Variants in GLCCI1 observed in about 807,000 individuals in gnomAD.
GLCCI1 encodes glucocorticoid-induced transcript 1 protein.
A neutral mutation model predicts 52.2 loss-of-function variants in GLCCI1; 24 were observed. That is an observed-to-expected ratio of 0.46 (90% CI 0.33 to 0.65). The LOEUF (loss-of-function observed/expected upper bound fraction) is 0.65, where lower values mean the gene tolerates loss of function less well. Ranked by LOEUF, GLCCI1 falls within the 30% of genes least tolerant of loss-of-function variation. GLCCI1 has a pLI of 0.02. For missense variants in GLCCI1, 704 were observed against 701.5 expected, an observed-to-expected ratio of 1.00 and a Z score of -0.04; for synonymous variants, 310 against 276.5, an observed-to-expected ratio of 1.12 and a Z score of -1.20.
At chr7:8,010,050 G>C (rs1490749469) in intron 2 of GLCCI1, among the ~76,000 whole-genome samples, 1 of 150,312 alleles carries the variant, frequency 6.7e-6, no homozygotes, top group Non-Finnish European at 1.5e-5. Context: ...ACCTTTATTT[G>C]AGTTTTATAG....
At chr7:8,037,363 C>G (rs1032535017) in intron 3 of GLCCI1, among the ~76,000 whole-genome samples, 2 of 152,182 alleles carry the variant, frequency 1.3e-5, no homozygotes, top group African/African-American at 4.8e-5. Flanking sequence ...TTCATCACCA[C>G]TAGACTGGTC....
At chr7:8,027,664 C>T (rs1300789828) in intron 3 of GLCCI1, among the ~76,000 whole-genome samples, 1 of 150,654 alleles carries the variant, frequency 6.6e-6, no homozygotes, top group African/African-American at 2.4e-5. Flanking sequence ...AAACAAAAGA[C>T]AACGAGTGGC....
At chr7:8,040,251 T>C (rs1011709286) in intron 3 of GLCCI1, among the ~76,000 whole-genome samples, 2 of 152,042 alleles carry the variant, frequency 1.3e-5, no homozygotes, top group African/African-American at 4.8e-5. Flanking sequence ...TTAGGGAGGC[T>C]GAGATGGAAG....
intron 6 of GLCCI1, among the ~76,000 whole-genome samples, chr7:8,081,890 C>T (rs905678055): frequency 3.3e-5 from 5 of 152,038 alleles, no homozygotes; most frequent in South Asian, 2.1e-4. Flanking sequence ...CTTGTGAATA[C>T]AGAAAGATGT....
chr7:8,079,657 A>G (rs1453922531), intron 6 of GLCCI1, among the ~76,000 whole-genome samples: 1 of 151,566 alleles, frequency 6.6e-6, no homozygotes, highest in Non-Finnish European at 1.5e-5. Context: ...TTTTGACTAC[A>G]CAAAAACAAA....
intron 3 of GLCCI1, among the ~76,000 whole-genome samples, chr7:8,036,023 A>T (rs1196435123): frequency 6.6e-6 from 1 of 152,250 alleles, no homozygotes; most frequent in Non-Finnish European, 1.5e-5. Flanking sequence ...ATTTGAAGCA[A>T]CAGAGAGATC....
At chr7:8,040,792 G>A (rs1321361510) in intron 3 of GLCCI1, among the ~76,000 whole-genome samples, 1 of 152,180 alleles carries the variant, frequency 6.6e-6, no homozygotes, top group East Asian at 1.9e-4. Context: ...ATACACAAAT[G>A]TTTATCGCAG....
chr7:8,082,302 G>T (rs1460515334), intron 6 of GLCCI1, among the ~76,000 whole-genome samples: 2 of 152,108 alleles, frequency 1.3e-5, no homozygotes, highest in Non-Finnish European at 2.9e-5. Context: ...TGTCTTCTTT[G>T]TATGTTAGAA....
intron 2 of GLCCI1, among the ~76,000 whole-genome samples, chr7:8,006,199 A>G (rs1311905380): frequency 2.0e-5 from 3 of 152,244 alleles, no homozygotes; most frequent in Admixed American, 6.5e-5. Context: ...GTGAAGCCTT[A>G]GAAGTCAGAG....
intron 1 of GLCCI1, among the ~76,000 whole-genome samples, chr7:7,987,318 T>C (rs866964131): frequency 2.0e-5 from 3 of 152,240 alleles, no homozygotes; most frequent in Non-Finnish European, 4.4e-5. Flanking sequence ...AATATCATGC[T>C]TCTCTGCAAA....
intron 1 of GLCCI1, among the ~76,000 whole-genome samples, chr7:7,972,076 C>T (rs1205069949): frequency 2.0e-5 from 3 of 152,130 alleles, no homozygotes; most frequent in African/African-American, 4.8e-5. Flanking sequence ...TGTTCTGTTT[C>T]CTTAGCCATT....
intron 6 of GLCCI1, among the ~76,000 whole-genome samples, chr7:8,083,594 T>C (rs1783041433): frequency 1.3e-5 from 2 of 152,166 alleles, no homozygotes; most frequent in Admixed American, 1.3e-4. Context: ...GAAACCAAAT[T>C]TCATTCTAAG....
chr7:7,983,013 A>G (rs1198415825), intron 1 of GLCCI1, among the ~76,000 whole-genome samples: 1 of 152,174 alleles, frequency 6.6e-6, no homozygotes, highest in Non-Finnish European at 1.5e-5. Context: ...AGTCTTTAGG[A>G]CACTTGCCCC....
chr7:7,979,097 T>G (rs1394880270), intron 1 of GLCCI1, among the ~76,000 whole-genome samples: 2 of 152,198 alleles, frequency 1.3e-5, no homozygotes, highest in Non-Finnish European at 2.9e-5. Flanking sequence ...AAACTGGTGT[T>G]GGCAAACATT....
intron 7 of GLCCI1, among the ~76,000 whole-genome samples, chr7:8,085,538 CAGA>C (rs909398670): frequency 9.2e-5 from 14 of 152,226 alleles, no homozygotes; most frequent in African/African-American, 3.4e-4. Context: ...CAGAGTAGCT[CAGA>C]AGAAGACTGT....
intron 1 of GLCCI1, among the ~76,000 whole-genome samples, chr7:7,992,188 A>G (rs191799894): frequency 6.4e-4 from 97 of 151,142 alleles, no homozygotes; most frequent in Admixed American, 1.9e-3. Context: ...GTTATCAGAC[A>G]TTCTGGAAAT....
rs185029503 is a variant in GLCCI1 at position 8,055,886 on chromosome 7, G to A, written c.813+337G>A. 2.6e-3 allele frequency: 438 copies of A among 169,598 alleles called. 2 individuals carry two copies. Among genetic ancestry groups the A allele is most frequent in the Middle Eastern group, 8.9e-3 (3 of 338 alleles). 10.5% of individuals were successfully genotyped at this position (169,598 alleles called of 1,614,324 possible). ...CGGGCGCCTGTAGTCCCAGCTACTC[G>A]GGAGGCTGAGGCAGCAGAATGGTAT... On this transcript the variant is annotated intron_variant, in intron 4 of 7. Coordinates refer to ENST00000223145, the MANE Select transcript of GLCCI1 (RefSeq NM_138426.4).
chr7:7,992,043 T>TTTTCCTTCTTTCTTTC, intron 1 of GLCCI1, among the ~76,000 whole-genome samples: 1 of 128,714 alleles, frequency 7.8e-6, no homozygotes, highest in East Asian at 2.2e-4. Flanking sequence ...AGAATTTATT[T>TTTTCCTTCTTTCTTTC]TTTCTTTCTT....
Position 8,004,072 on chromosome 7 carries a change from A to G in GLCCI1, c.609+13A>G, listed in dbSNP as rs762027360. 6.2e-7 allele frequency: 1 copy of G among 1,610,126 alleles called. No homozygotes were observed. Among genetic ancestry groups the G allele is most frequent in the African/African-American group, 1.3e-5 (1 of 74,820 alleles). On this transcript the variant is annotated intron_variant, in intron 2 of 7. Coordinates refer to ENST00000223145, the MANE Select transcript of GLCCI1 (RefSeq NM_138426.4). ...CAAAGCTACTCAGGTAAAATCAGGA[A>G]ATCAAAATCAGCTTATTACCCTGCA...
Sources: gnomAD v4.1 joint callset for allele counts (sites outside exome capture counted in the v4.1 genomes callset) on GRCh38, gnomAD v4.1.1 for gene constraint, MANE v1.5 for transcripts, NCBI Gene and HGNC (gene_info 2026-07-23, HGNC 2026-07-21) for gene names.